Variants in PALM2AKAP2 observed in about 807,000 individuals in gnomAD.
The protein encoded by PALM2AKAP2 is PALM2 and AKAP2 fusion.
A neutral mutation model predicts 71.5 loss-of-function variants in PALM2AKAP2; 37 were observed. The observed-to-expected ratio is 0.52, with a 90% CI of 0.40 to 0.68. PALM2AKAP2 has a LOEUF of 0.68. Ranked by LOEUF, PALM2AKAP2 falls within the 30% of genes least tolerant of loss-of-function variation. The pLI is 0.00. For missense variants in PALM2AKAP2, 1,224 were observed against 1,191.8 expected (o/e 1.03, Z -0.40); for synonymous variants, 468 against 478.8 (o/e 0.98, Z 0.29).
chr9:110,102,615 C>T (rs778264700), intron 1 of PALM2AKAP2, among the ~76,000 whole-genome samples: 5 of 152,164 alleles, frequency 3.3e-5, no homozygotes, highest in Non-Finnish European at 4.4e-5. Flanking sequence ...CCTCCCCTCC[C>T]CTCCCCATTG....
chr9:109,855,512 C>G (rs2487829), intron 1 of PALM2AKAP2, among the ~76,000 whole-genome samples: 40,598 of 152,194 alleles, frequency 0.27, 5,978 homozygotes, highest in Non-Finnish European at 0.31. Context: ...GAGACATGGT[C>G]TCTGCCCTTG....
intron 6 of PALM2AKAP2, among the ~76,000 whole-genome samples, chr9:109,988,691 C>T (rs570551057): frequency 1.4e-4 from 17 of 119,226 alleles, no homozygotes; most frequent in South Asian, 1.4e-3. Context: ...AAAGGAAGGG[C>T]GGGAGGAGGA....
rs553397072 is a variant in PALM2AKAP2, at chr9:110,144,346, T to C, written c.2569+5807T>C. ...CTTATTGTGGAGTGTCCACAGATGG[T>C]TATTGTCCACCACCATATTTCTAGA... On this transcript the variant is annotated intron_variant, in intron 2 of 3. Coordinates refer to ENST00000374525, the Ensembl canonical transcript of PALM2AKAP2. Among the ~76,000 whole-genome samples, 17 of 152,362 alleles carry C rather than the reference T, an allele frequency of 1.1e-4. No individual in the cohort carries two copies. The East Asian group carries it at 3.1e-3, about 28-fold the overall frequency.
chr9:109,767,990 AGGGAGCAAAGGCAGGT>A (rs1564140469), intron 1 of PALM2AKAP2, among the ~76,000 whole-genome samples: 3 of 151,774 alleles, frequency 2.0e-5, no homozygotes, highest in South Asian at 2.1e-4. Flanking sequence ...GGAAGGAAGG[AGGGAGCAAAGGCAGGT>A]AGGTAGGAAG....
chr9:109,981,205 A>G (rs753700861), intron 6 of PALM2AKAP2, among the ~76,000 whole-genome samples: 1 of 152,232 alleles, frequency 6.6e-6, no homozygotes, highest in Non-Finnish European at 1.5e-5. Flanking sequence ...CTACTTCTAC[A>G]CTTCCATGAA....
intron 6 of PALM2AKAP2, among the ~76,000 whole-genome samples, chr9:109,941,822 G>C (rs1224812741): frequency 1.9e-4 from 29 of 152,182 alleles, no homozygotes; most frequent in Admixed American, 1.9e-3. Context: ...GCAAGGGGAG[G>C]GGGAGACCAG....
At chr9:109,876,495 T>C (rs1374051528) in intron 2 of PALM2AKAP2, among the ~76,000 whole-genome samples, 1 of 152,214 alleles carries the variant, frequency 6.6e-6, no homozygotes, top group Non-Finnish European at 1.5e-5. Context: ...TTTCTTTTTT[T>C]TGAGACAGAG....
chr9:109,991,955 T>C (rs1832492919), intron 6 of PALM2AKAP2, among the ~76,000 whole-genome samples: 1 of 152,262 alleles, frequency 6.6e-6, no homozygotes, highest in African/African-American at 2.4e-5. Context: ...AAGAACATTC[T>C]GACCTGAAAG....
chr9:109,719,158 A>G (rs1460210302), intron 1 of PALM2AKAP2, among the ~76,000 whole-genome samples: 1 of 152,200 alleles, frequency 6.6e-6, no homozygotes. Flanking sequence ...AGGAACAAAA[A>G]CAATAAAACT....
At chr9:109,665,855 G>A (rs1827474646) in intron 1 of PALM2AKAP2, among the ~76,000 whole-genome samples, 1 of 152,230 alleles carries the variant, frequency 6.6e-6, no homozygotes, top group Non-Finnish European at 1.5e-5. Flanking sequence ...CCCAGTTCGA[G>A]CTTCCCTGCT....
intron 1 of PALM2AKAP2, among the ~76,000 whole-genome samples, chr9:109,691,849 T>TATATATATATATATACACACACACACAC (rs1827891559): frequency 6.3e-5 from 2 of 31,596 alleles, no homozygotes; most frequent in Non-Finnish European, 1.4e-4. Flanking sequence ...TATATATATA[T>TATATATATATATATACACACACACACAC]ATATATATAT....
intron 3 of PALM2AKAP2, among the ~76,000 whole-genome samples, chr9:109,900,162 C>G (rs1490233329): frequency 6.6e-6 from 1 of 152,154 alleles, no homozygotes; most frequent in Non-Finnish European, 1.5e-5. Flanking sequence ...CAGCTTTTGT[C>G]TCAATTACTC....
intron 6 of PALM2AKAP2, among the ~76,000 whole-genome samples, chr9:109,980,207 T>C (rs1474148618): frequency 1.3e-5 from 2 of 152,120 alleles, no homozygotes; most frequent in African/African-American, 4.8e-5. Context: ...GAACAAGTCT[T>C]TGGGCCATGG....
At chr9:109,790,261 A>G (rs77560543) in intron 1 of PALM2AKAP2, among the ~76,000 whole-genome samples, 2,364 of 152,170 alleles carry the variant, frequency 0.016, 65 homozygotes, top group African/African-American at 0.054. Context: ...TCTTGAAGGC[A>G]TTTGTAAAAC....
chr9:110,088,899 T>C (rs190788593), intron 1 of PALM2AKAP2, among the ~76,000 whole-genome samples: 41 of 152,026 alleles, frequency 2.7e-4, no homozygotes, highest in Middle Eastern at 3.4e-3. Flanking sequence ...TTTGTATTTT[T>C]AGTAGAGCTA....
chr9:109,757,709 T>C (rs1442717474), intron 1 of PALM2AKAP2, among the ~76,000 whole-genome samples: 2 of 152,160 alleles, frequency 1.3e-5, no homozygotes, highest in African/African-American at 4.8e-5. Flanking sequence ...GACAGCTTAC[T>C]AGATCTTAGA....
chr9:110,029,220 C>G (rs1323863094), intron 7 of PALM2AKAP2, among the ~76,000 whole-genome samples: 1 of 152,160 alleles, frequency 6.6e-6, no homozygotes, highest in African/African-American at 2.4e-5. Flanking sequence ...CAACAAAAAC[C>G]CTTTACCTCA....
intron 1 of PALM2AKAP2, among the ~76,000 whole-genome samples, chr9:109,752,263 G>T (rs980046272): frequency 2.0e-5 from 3 of 152,106 alleles, no homozygotes; most frequent in African/African-American, 7.2e-5. Context: ...GAAGACTTCT[G>T]GGAGGACGTG....
Position 109,770,404 on chromosome 9 carries a change from C to G in PALM2AKAP2, c.6-10084C>G, listed in dbSNP as rs924290411. 2.0e-5 allele frequency among the ~76,000 whole-genome samples: 3 copies of G among 152,190 alleles called. No homozygotes were observed. In the East Asian group the frequency reaches 5.8e-4, roughly 29 times the overall value. On this transcript the variant is annotated intron_variant, in intron 1 of 6. Transcript: ENST00000374531. Reference sequence around the variant, plus strand: ...CTGAGAAGGAGTCTATAGTTCTTACCAGATTCTTGAAAGGATTCTGTGAAC... The same window carrying G: ...CTGAGAAGGAGTCTATAGTTCTTACGAGATTCTTGAAAGGATTCTGTGAAC...
Sources: allele counts gnomAD v4.1 joint callset (sites outside exome capture counted in the v4.1 genomes callset), GRCh38; gene constraint gnomAD v4.1.1; transcripts MANE v1.5; gene names NCBI Gene and HGNC (gene_info 2026-07-23, HGNC 2026-07-21).